WNK1: variants seen among roughly 807,000 people sequenced by gnomAD.
WNK1 encodes the protein serine/threonine-protein kinase WNK1.
WNK1 carries 38 observed loss-of-function variants against 222.8 expected under a neutral mutation model. The ratio of observed to expected loss-of-function variants is 0.17; its 90% CI spans 0.13 to 0.22. The LOEUF (loss-of-function observed/expected upper bound fraction) is 0.22, where lower values mean the gene tolerates loss of function less well. Among genes scored for constraint, WNK1 ranks in the 10% least tolerant of loss-of-function variants. The pLI, the probability that WNK1 is intolerant of heterozygous loss-of-function variation, is 1.00. For synonymous variants in WNK1, 1,090 were observed against 1,092.9 expected (o/e 1.00, Z 0.05); for missense variants, 2,348 against 2,918.4 (o/e 0.80, Z 4.50).
At chr12:841,978 C>T (rs1046515719) in intron 4 of WNK1, among the ~76,000 whole-genome samples, 5 of 152,120 alleles carry the variant, frequency 3.3e-5, no homozygotes, top group Non-Finnish European at 7.3e-5. Context: ...CAGACTATAG[C>T]ATACATGAAG....
At chr12:904,808 T>C (rs970316295) in intron 26 of WNK1, among the ~76,000 whole-genome samples, 1 of 152,146 alleles carries the variant, frequency 6.6e-6, no homozygotes, top group Admixed American at 6.6e-5. Context: ...GGCAGTGTTA[T>C]TACCCCAACT....
intron 11 of WNK1, 98 bp downstream of exon 11, chr12:880,129 C>A: frequency 8.5e-7 from 1 of 1,180,472 alleles, no homozygotes; most frequent in Non-Finnish European, 1.2e-6. Flanking sequence ...GAATAACTAG[C>A]AATAACATGT....
chr12:819,257 C>A (rs1303085854), intron 2 of WNK1, among the ~76,000 whole-genome samples: 1 of 152,100 alleles, frequency 6.6e-6, no homozygotes, highest in African/African-American at 2.4e-5. Flanking sequence ...TTGTCCAGAT[C>A]CATGATATGC....
At chr12:830,786 A>G (rs2154028459) in intron 4 of WNK1, among the ~76,000 whole-genome samples, 1 of 152,338 alleles carries the variant, frequency 6.6e-6, no homozygotes, top group Middle Eastern at 3.4e-3. Context: ...TAACCATATT[A>G]TGCCTGAAAA....
chr12:780,973 A>C (rs763798947), intron 1 of WNK1, among the ~76,000 whole-genome samples: 4 of 152,222 alleles, frequency 2.6e-5, no homozygotes, highest in Non-Finnish European at 5.9e-5. Context: ...GTGGCTATCA[A>C]ACCTTTCTGA....
intron 1 of WNK1, among the ~76,000 whole-genome samples, chr12:771,127 A>G (rs960176284): frequency 3.9e-5 from 6 of 151,960 alleles, no homozygotes; most frequent in Admixed American, 2.6e-4. Flanking sequence ...CCTCCTGATT[A>G]GCTGGGACTA....
At chr12:845,044 C>T (rs1021403860) in intron 4 of WNK1, among the ~76,000 whole-genome samples, 3 of 150,106 alleles carry the variant, frequency 2.0e-5, no homozygotes, top group East Asian at 3.9e-4. Flanking sequence ...TACAGGCGCC[C>T]GCCACTACGC....
chr12:777,668 CA>C (rs1166235569), intron 1 of WNK1, among the ~76,000 whole-genome samples: 1 of 152,084 alleles, frequency 6.6e-6, no homozygotes, highest in Non-Finnish European at 1.5e-5. Flanking sequence ...TGAAGAGAAA[CA>C]GTGAAAGCAA....
intron 1 of WNK1, among the ~76,000 whole-genome samples, chr12:794,504 T>G (rs73041140): frequency 1.1e-4 from 6 of 56,610 alleles, no homozygotes; most frequent in African/African-American, 1.0e-4. Context: ...TTGGTTGAAT[T>G]TTTTTTTTTT....
rs1941342105 is a variant in WNK1, at chr12:763,744, G to A, written c.759+9420G>A. On this transcript the variant is annotated intron_variant, in intron 1 of 27. Transcript: ENST00000315939. ...GACCTAAACTAGGGAGATAATAGAA[G>A]GAATAGAACATTTAGATATTTAGGA... Among the ~76,000 whole-genome samples, 2 of 147,300 alleles carry A rather than the reference G, an allele frequency of 1.4e-5. 1 individual carries two copies. The highest frequency in any genetic ancestry group is 1.4e-4 in the Admixed American group (2 of 14,796).
intron 8 of WNK1, 87 bp from the exon 9 acceptor site, chr12:871,178 G>A: frequency 1.6e-6 from 2 of 1,237,054 alleles, no homozygotes; most frequent in Non-Finnish European, 2.4e-6. Flanking sequence ...AAACTCTGAG[G>A]AGATTAAATA....
chr12:869,038 A>G (rs749601001), intron 8 of WNK1: 10 of 1,612,962 alleles, frequency 6.2e-6, no homozygotes, highest in Middle Eastern at 1.7e-4. Flanking sequence ...GTTTCCCCCA[A>G]GGAACCACAT....
In WNK1 at chr12:896,121, A is replaced by T; in HGVS notation, c.5634A>T (p.Glu1878Asp). Residue 1878 changes from glutamate to aspartate, a missense_variant, in exon 24 of 28, where the codon GAA becomes GAT. Coordinates refer to ENST00000315939, the MANE Select transcript of WNK1 (RefSeq NM_018979.4). ...AGAAAGAGGGTAAAAATAAGTCAGA[A>T]GATGCAAAGTCTGTTCATTTTGAAT... ...GAQKEGKNKS[E>D]DAKSVHFESS... 1 of 1,614,242 alleles carries T rather than the reference A, an allele frequency of 6.2e-7. No individual in the cohort carries two copies. Among genetic ancestry groups the T allele is most frequent in the South Asian group, 1.1e-5 (1 of 91,088 alleles).
intron 20 of WNK1, among the ~76,000 whole-genome samples, chr12:887,774 AG>A (rs1953811705): frequency 6.6e-6 from 1 of 152,218 alleles, no homozygotes; most frequent in Non-Finnish European, 1.5e-5. Flanking sequence ...CACCTAATGA[AG>A]GAATTAGCTT....
chr12:869,982 ACAGT>A (rs1952004092), intron 8 of WNK1, among the ~76,000 whole-genome samples: 2 of 152,202 alleles, frequency 1.3e-5, no homozygotes, highest in African/African-American at 2.4e-5. Context: ...ATTCAAAAGT[ACAGT>A]CAGTGTTTAC....
intron 8 of WNK1, among the ~76,000 whole-genome samples, chr12:862,690 G>T (rs1951310708): frequency 6.6e-6 from 1 of 152,152 alleles, no homozygotes; most frequent in Admixed American, 6.5e-5. Context: ...AACCATTATA[G>T]AATGCTGCAT....
chr12:905,384 T>C (rs1955607558), intron 26 of WNK1, among the ~76,000 whole-genome samples: 1 of 152,144 alleles, frequency 6.6e-6, no homozygotes, highest in Non-Finnish European at 1.5e-5. Context: ...TAGAGAATCC[T>C]GTATTAGGTA....
intron 2 of WNK1, among the ~76,000 whole-genome samples, chr12:820,005 A>G (rs1591842820): frequency 6.6e-6 from 1 of 152,098 alleles, no homozygotes; most frequent in Non-Finnish European, 1.5e-5. Context: ...GACTTCTCCA[A>G]TTTTGTTCTT....
rs969508170 is a variant in WNK1, at chr12:906,727, T to G, written c.6644-1120T>G. The G allele has an allele frequency of 5.1e-6, 5 of 985,186 alleles. No individual in the cohort carries two copies. The African/African-American group carries it at 8.7e-5, about 17-fold the overall frequency. The allele number at this position is 985,186 out of a possible 1,614,324, so 61.0% of individuals were successfully genotyped here. Reference sequence around the variant, plus strand: ...TTCTGAACACAGCATGCTACTTCTCTTATTACCTCTCTCTATTTAAAGAAT... The same window carrying G: ...TTCTGAACACAGCATGCTACTTCTCGTATTACCTCTCTCTATTTAAAGAAT... On this transcript the variant is annotated intron_variant, in intron 26 of 27. Transcript: ENST00000315939.
Sources: gnomAD v4.1 joint callset for allele counts (sites outside exome capture counted in the v4.1 genomes callset) on GRCh38, gnomAD v4.1.1 for gene constraint, MANE v1.5 for transcripts, NCBI Gene and HGNC (gene_info 2026-07-23, HGNC 2026-07-21) for gene names.